PABPC1L: variants seen among roughly 807,000 people sequenced by gnomAD.
PABPC1L encodes poly(A) binding protein cytoplasmic 1 like.
In PABPC1L, 31 loss-of-function variants were observed where a neutral mutation model predicts 66.6. That is an observed-to-expected ratio of 0.47 (90% CI 0.35 to 0.63). The LOEUF is 0.63. Ranked by LOEUF, PABPC1L falls within the 20% of genes least tolerant of loss-of-function variation. The pLI, the probability that PABPC1L is intolerant of heterozygous loss-of-function variation, is 0.00. For missense variants in PABPC1L, 722 were observed against 848.8 expected (o/e 0.85, Z 1.86); for synonymous variants, 348 against 335.1 (o/e 1.04, Z -0.42).
At chr20:44,922,528 G>A (rs572108580) in intron 6 of PABPC1L, among the ~76,000 whole-genome samples, 6 of 152,094 alleles carry the variant, frequency 3.9e-5, no homozygotes, top group African/African-American at 7.2e-5. Flanking sequence ...GAGCCACTGC[G>A]CCTGGCCTCA....
chr20:44,918,135 G>A (rs2066749450), intron 3 of PABPC1L, among the ~76,000 whole-genome samples: 1 of 152,090 alleles, frequency 6.6e-6, no homozygotes, highest in African/African-American at 2.4e-5. Context: ...AGACTAGCCT[G>A]GCCAACATGG....
intron 6 of PABPC1L, 36 bp downstream of exon 6, chr20:44,921,767 G>T (rs2145564229): frequency 6.2e-7 from 1 of 1,611,552 alleles, no homozygotes; most frequent in Non-Finnish European, 8.5e-7. Flanking sequence ...CCACTTCTGT[G>T]TGAGAGCAGC....
rs1328465355 is a variant in PABPC1L at position 44,910,100 on chromosome 20, G to T, written c.-44G>T. The T allele has an allele frequency of 8.7e-6, 13 of 1,498,648 alleles. No individual in the cohort carries two copies. Among genetic ancestry groups the T allele is most frequent in the South Asian group, 1.2e-5 (1 of 81,208 alleles). The allele number at this position is 1,498,648 out of a possible 1,614,324, so 92.8% of individuals were successfully genotyped here. ...CCGGGTGAGCGCGGGGCTGCTGGGT[G>T]ACCCGGCTCCTGCTTGCCCCGCAGC... is the stretch of plus-strand genomic sequence containing the variant. On this transcript the variant is annotated 5_prime_UTR_variant, in exon 1 of 15. Coordinates refer to ENST00000217073, the MANE Select transcript of PABPC1L (RefSeq NM_001372179.1).
At position 44,937,761 on chromosome 20, in the gene PABPC1L, G is replaced by A. The variant is rs115691723; in HGVS notation, c.1661-300G>A. The A allele has an allele frequency of 3.7e-3, 1,236 of 331,712 alleles. 15 individuals carry two copies. The highest frequency in any genetic ancestry group is 0.025 in the African/African-American group (1,148 of 45,722). The allele number at this position is 331,712 out of a possible 1,614,324, so 20.5% of individuals were successfully genotyped here. ...GAGCTTAATGGAAGTAGAAGTCTTT[G>A]TTAGTAGTTCTCTGTAAACATTTTC... On this transcript the variant is annotated intron_variant, in intron 12 of 14. Coordinates refer to ENST00000217073, the MANE Select transcript of PABPC1L (RefSeq NM_001372179.1).
intron 2 of PABPC1L, among the ~76,000 whole-genome samples, chr20:44,913,859 G>A (rs535828789): frequency 2.6e-5 from 4 of 152,310 alleles, no homozygotes; most frequent in African/African-American, 9.6e-5. Flanking sequence ...TTTTAAGATT[G>A]TCTTACATTA....
At chr20:44,932,627 A>G (rs547556313) in intron 9 of PABPC1L, 195 bp downstream of exon 9, 17 of 531,426 alleles carry the variant, frequency 3.2e-5, no homozygotes, top group Middle Eastern at 9.8e-4. Flanking sequence ...GTGGTGAGCC[A>G]ATGGAAGACA....
chr20:44,911,390 G>T (rs2066703903), intron 1 of PABPC1L, among the ~76,000 whole-genome samples: 1 of 152,184 alleles, frequency 6.6e-6, no homozygotes, highest in South Asian at 2.1e-4. Flanking sequence ...CTTGAATCCG[G>T]GAGGCAGAGG....
At chr20:44,918,761 T>C in intron 3 of PABPC1L, 145 bp from the exon 4 acceptor site, 1 of 856,754 alleles carries the variant, frequency 1.2e-6, no homozygotes, top group Non-Finnish European at 1.7e-6. Context: ...GCCTTGGGGA[T>C]GTTCTAAGGA....
In PABPC1L at chr20:44,931,167, C is replaced by CT. The variant is rs367869622; in HGVS notation, c.1239+443dup. Among the ~76,000 whole-genome samples, 272 of 143,928 alleles carry CT rather than the reference C, an allele frequency of 1.9e-3. 1 individual carries two copies. Among genetic ancestry groups the CT allele is most frequent in the African/African-American group, 6.9e-3 (266 of 38,334 alleles). The allele number at this position is 143,928 out of a possible 152,430, so 94.4% of individuals were successfully genotyped here. On this transcript the variant is annotated intron_variant, in intron 8 of 14. Transcript: ENST00000217073. The stretch of plus-strand genomic sequence containing the variant: ...ATGGCGTGATCATGGCTCCTTCCTT[C>CT]TTCCCTCCCTTCCTCCCTTCCTCCC...
At chr20:44,913,637 C>T (rs2066719136) in intron 2 of PABPC1L, among the ~76,000 whole-genome samples, 1 of 152,070 alleles carries the variant, frequency 6.6e-6, no homozygotes, top group African/African-American at 2.4e-5. Flanking sequence ...GTTGGCCAGG[C>T]TGGTCTCGAA....
rs369079201 is a variant in PABPC1L, at chr20:44,921,322, A to C, written c.739-272A>C. Among the ~76,000 whole-genome samples, 25 of 151,628 alleles carry C rather than the reference A, an allele frequency of 1.6e-4. 2 individuals carry two copies. The highest frequency in any genetic ancestry group is 1.4e-3 in the Admixed American group (22 of 15,230). On this transcript the variant is annotated intron_variant, in intron 5 of 14. Transcript: ENST00000217073. Reference sequence around the variant, plus strand: ...TGCTTCCATGCCTGGCTAATTTTGTATTTTTAGTAGAGACGGGGTTTCTCC... The same window carrying C: ...TGCTTCCATGCCTGGCTAATTTTGTCTTTTTAGTAGAGACGGGGTTTCTCC...
intron 12 of PABPC1L, 32 bp downstream of exon 12, chr20:44,936,762 G>A (rs1441914103): frequency 6.3e-7 from 1 of 1,581,032 alleles, no homozygotes; most frequent in Non-Finnish European, 8.6e-7. Context: ...TGTGGAGCAA[G>A]AAGAGGAGGG....
Position 44,916,736 on chromosome 20 carries a change from C to T in PABPC1L, c.388-20C>T, listed in dbSNP as rs374214068. The T allele has an allele frequency of 6.2e-7, 1 of 1,611,994 alleles. No homozygotes were observed. On this transcript the variant is annotated intron_variant, in intron 2 of 14. Coordinates refer to ENST00000217073, the MANE Select transcript of PABPC1L (RefSeq NM_001372179.1). ...AACCCTCTGTCAGTACTCTTCCTGTCCTTCCTCCCTGTGGCCCAGGTGGCG... is the reference window on the plus strand; with the variant it reads ...AACCCTCTGTCAGTACTCTTCCTGTTCTTCCTCCCTGTGGCCCAGGTGGCG...
intron 7 of PABPC1L, among the ~76,000 whole-genome samples, chr20:44,930,043 G>A (rs930819613): frequency 3.3e-5 from 5 of 152,056 alleles, no homozygotes; most frequent in African/African-American, 1.2e-4. Flanking sequence ...TCACTCTTTC[G>A]AGTCTCTCTT....
Position 44,924,266 on chromosome 20 carries a change from G to T in PABPC1L, c.972+10G>T, listed in dbSNP as rs1219435602. 2 of 1,597,554 alleles carry T rather than the reference G, an allele frequency of 1.3e-6. No individual in the cohort carries two copies. Among genetic ancestry groups the T allele is most frequent in the African/African-American group, 2.7e-5 (2 of 74,530 alleles). On this transcript the variant is annotated intron_variant, in intron 7 of 14. Transcript: ENST00000217073. ...AATTACCAGTGCGAAGGTGAGGACT[G>T]GGGGCACCTCCGGGGGACAGCGTTC... is the stretch of plus-strand genomic sequence containing the variant.
intron 10 of PABPC1L, among the ~76,000 whole-genome samples, chr20:44,934,004 G>C (rs1284774357): frequency 6.6e-6 from 1 of 150,478 alleles, no homozygotes; most frequent in Admixed American, 6.6e-5. Flanking sequence ...CACCAGCCTC[G>C]GCCTCCCAAA....
Position 44,912,767 on chromosome 20 carries a change from A to G in PABPC1L, c.301A>G (p.Ile101Val). Residue 101 changes from isoleucine to valine, a missense_variant, in exon 2 of 15, where the codon ATC becomes GTC. Ile to Val is a conservative substitution (Grantham distance 29, BLOSUM62 3). Coordinates refer to ENST00000217073, the MANE Select transcript of PABPC1L (RefSeq NM_001372179.1). ...PGLRKSGVGN[I>V]FIKNLEDSID... is the part of the protein sequence containing the mutation. ...ACTTCGCAAGTCAGGTGTGGGCAAC[A>G]TCTTCATCAAGAACCTGGAGGACTC... 6.2e-7 allele frequency: 1 copy of G among 1,614,172 alleles called. No individual in the cohort carries two copies. The highest frequency in any genetic ancestry group is 8.5e-7 in the Non-Finnish European group (1 of 1,180,004).
At chr20:44,922,856 C>T (rs1279085346) in intron 6 of PABPC1L, among the ~76,000 whole-genome samples, 1 of 152,142 alleles carries the variant, frequency 6.6e-6, no homozygotes. Flanking sequence ...CTACTGTCAT[C>T]CACAGGGTAG....
chr20:44,938,286 C>A lies in PABPC1L; in HGVS notation c.1791+95C>A, dbSNP rs957004454. ...GTGGAGCCAGTGGATAGCTGTTTGG[C>A]CAGATAAAGTGTTTCTTCTTGCTAA... is the stretch of plus-strand genomic sequence containing the variant. On this transcript the variant is annotated intron_variant, in intron 13 of 14. Coordinates refer to ENST00000217073, the MANE Select transcript of PABPC1L (RefSeq NM_001372179.1). 4 of 1,461,018 alleles carry A rather than the reference C, an allele frequency of 2.7e-6. No homozygotes were observed. In the African/African-American group the frequency reaches 5.7e-5, roughly 21 times the overall value. 90.5% of individuals were successfully genotyped at this position (1,461,018 alleles called of 1,614,324 possible). A position where few individuals can be genotyped will look rare whatever the true frequency, so the allele number is the denominator to read the frequency against.
Sources: allele counts gnomAD v4.1 joint callset (sites outside exome capture counted in the v4.1 genomes callset), GRCh38; gene constraint gnomAD v4.1.1; transcripts MANE v1.5; gene names NCBI Gene and HGNC (gene_info 2026-07-23, HGNC 2026-07-21).